Variants in TMEM120B observed in about 807,000 individuals in gnomAD.
TMEM120B encodes the protein transmembrane protein 120B.
Under a neutral mutation model 55.5 loss-of-function variants are expected in TMEM120B, and 31 were observed. The observed-to-expected ratio is 0.56, with a 90% CI of 0.42 to 0.75. TMEM120B has a LOEUF of 0.75. Ranked by LOEUF, TMEM120B falls within the 30% of genes least tolerant of loss-of-function variation. The pLI, the probability that TMEM120B is intolerant of heterozygous loss-of-function variation, is 0.00. For synonymous variants in TMEM120B, 203 were observed against 176.3 expected (o/e 1.15, Z -1.20); for missense variants, 399 against 425.5 (o/e 0.94, Z 0.55).
In TMEM120B at chr12:121,739,336, A is replaced by G. The variant is rs1226356331; in HGVS notation, c.70-4293A>G. On this transcript the variant is annotated intron_variant, in intron 1 of 11. Transcript: ENST00000449592. ...AGATCTGGAGGAAAATTGCCATAAA[A>G]GAGACAGTTAGCAAAATTTGAATTT... is the stretch of plus-strand genomic sequence containing the variant. Among the ~76,000 whole-genome samples the G allele has an allele frequency of 4.6e-5, 7 of 152,306 alleles. No individual in the cohort carries two copies. The East Asian group carries it at 1.3e-3, about 29-fold the overall frequency.
At chr12:121,763,643 A>G (rs1873755170) in intron 6 of TMEM120B, among the ~76,000 whole-genome samples, 1 of 151,660 alleles carries the variant, frequency 6.6e-6, no homozygotes, top group South Asian at 2.1e-4. Context: ...GGGTTTCATC[A>G]TGTTGGCCAG....
chr12:121,735,206 A>C (rs1386184087), intron 1 of TMEM120B, among the ~76,000 whole-genome samples: 5 of 151,310 alleles, frequency 3.3e-5, no homozygotes, highest in African/African-American at 4.8e-5. Flanking sequence ...AAAAACAAAA[A>C]AAAAAACCCA....
intron 1 of TMEM120B, among the ~76,000 whole-genome samples, chr12:121,716,531 T>C (rs1392353534): frequency 6.6e-6 from 1 of 151,398 alleles, no homozygotes; most frequent in East Asian, 1.9e-4. Context: ...GTAATGTCTC[T>C]GTGTCTTACC....
chr12:121,742,925 A>T (rs1194668315), intron 1 of TMEM120B, among the ~76,000 whole-genome samples: 1 of 152,012 alleles, frequency 6.6e-6, no homozygotes, highest in East Asian at 1.9e-4. Flanking sequence ...TGGTTTCCCT[A>T]GATTGTTGGT....
Position 121,727,050 on chromosome 12 carries a change from TAGTC to T in TMEM120B, c.69+14090_69+14093del, listed in dbSNP as rs1269844127. Among the ~76,000 whole-genome samples, 10 of 149,472 alleles carry T rather than the reference TAGTC, an allele frequency of 6.7e-5. No homozygotes were observed. In the East Asian group the frequency reaches 8.0e-4, roughly 12 times the overall value. On this transcript the variant is annotated intron_variant, in intron 1 of 11. Transcript: ENST00000449592. The stretch of plus-strand genomic sequence containing the variant: ...CCATCTCTACTACAAATACAAAAAT[TAGTC>T]AGTTTCATAACCCGGTCTCAAAATA...
chr12:121,757,140 T>TC (rs796620445), intron 5 of TMEM120B, among the ~76,000 whole-genome samples: 2 of 132,128 alleles, frequency 1.5e-5, no homozygotes, highest in East Asian at 4.6e-4. Flanking sequence ...CCCTGGGCGG[T>TC]GGGGGGGGGG....
rs1039551120 is a variant in TMEM120B, at chr12:121,743,705, A to G, written c.146A>G (p.Lys49Arg). The G allele has an allele frequency of 1.3e-5, 21 of 1,613,472 alleles. No individual in the cohort carries two copies. The highest frequency in any genetic ancestry group is 2.7e-5 in the African/African-American group (2 of 74,876). ...ACGCTGTGTAGCAGTTCCATCAGTAAGCAGAAGAAGCACCTCAAGGACTTG... is the reference window on the plus strand; with the variant it reads ...ACGCTGTGTAGCAGTTCCATCAGTAGGCAGAAGAAGCACCTCAAGGACTTG... ...LQTLCSSSIS[K>R]QKKHLKDLKL... The change falls in exon 2 of 12, where the codon AAG becomes AGG. Residue 49 changes from lysine (K) to arginine (R), a missense_variant. By Grantham distance (26) the Lys-to-Arg change is conservative. Around this residue, in one of 3 missense-constraint regions of TMEM120B, gnomAD observed 133 missense variants for 104.1 expected, o/e 1.28. Transcript: ENST00000449592.
At chr12:121,753,388 T>C (rs374999850) in intron 5 of TMEM120B, among the ~76,000 whole-genome samples, 5 of 152,068 alleles carry the variant, frequency 3.3e-5, no homozygotes, top group African/African-American at 1.2e-4. Flanking sequence ...CTGGGCAACA[T>C]GGTCAAACCC....
chr12:121,759,429 A>G (rs190348990), intron 5 of TMEM120B, among the ~76,000 whole-genome samples: 341 of 152,050 alleles, frequency 2.2e-3, no homozygotes, highest in African/African-American at 7.3e-3. Flanking sequence ...TGTAGTCCCA[A>G]CACTTTGAGA....
intron 3 of TMEM120B, 62 bp from the exon 4 acceptor site, chr12:121,750,318 G>T: frequency 1.4e-6 from 2 of 1,478,412 alleles, no homozygotes; most frequent in South Asian, 1.1e-5. Flanking sequence ...TGTTGAGTTT[G>T]AATGTTGTTG....
chr12:121,756,729 T>C (rs1353951890), intron 5 of TMEM120B, among the ~76,000 whole-genome samples: 1 of 152,220 alleles, frequency 6.6e-6, no homozygotes, highest in Non-Finnish European at 1.5e-5. Context: ...TGGCCCTACT[T>C]TGTGGTCACA....
chr12:121,726,426 A>T (rs539455414), intron 1 of TMEM120B, among the ~76,000 whole-genome samples: 2 of 151,610 alleles, frequency 1.3e-5, no homozygotes, highest in Admixed American at 1.3e-4. Flanking sequence ...AAAAATAGAA[A>T]AAATTAGCCG....
At chr12:121,750,181 A>G (rs535706827) in intron 3 of TMEM120B, among the ~76,000 whole-genome samples, 199 bp from the exon 4 acceptor site, 123 of 151,888 alleles carry the variant, frequency 8.1e-4, no homozygotes, top group Non-Finnish European at 1.5e-3. Context: ...GACTCCTCAC[A>G]CTGTCCTGTC....
chr12:121,770,649 G>A (rs889640982), intron 6 of TMEM120B, among the ~76,000 whole-genome samples: 24 of 152,064 alleles, frequency 1.6e-4, no homozygotes, highest in Admixed American at 1.2e-3. Flanking sequence ...GGTGAGGCTA[G>A]GGGTGTGCTC....
At position 121,770,957 on chromosome 12, in the gene TMEM120B, G is replaced by C. The variant is rs370439191; in HGVS notation, c.602G>C (p.Gly201Ala). 94 of 1,614,072 alleles carry C rather than the reference G, an allele frequency of 5.8e-5. No homozygotes were observed. The African/African-American group carries it at 1.2e-3, about 20-fold the overall frequency. Residue 201 changes from glycine to alanine, a missense_variant, in exon 7 of 12, where the codon GGA (glycine) becomes GCA (alanine). Physicochemically the swap from Gly to Ala is moderately conservative, Grantham distance 60. Coordinates refer to ENST00000449592, the MANE Select transcript of TMEM120B (RefSeq NM_001080825.2). ...SHHYVSTFLSGVMLTWPNGPI... is the reference protein window; with the variant it reads ...SHHYVSTFLSAVMLTWPNGPI... ...CACTACGTCTCCACATTCCTGTCCG[G>C]AGTGATGCTGACCTGGTGAGTAGCC...
At chr12:121,773,807 C>T (rs1874144149) in intron 9 of TMEM120B, among the ~76,000 whole-genome samples, 2 of 146,540 alleles carry the variant, frequency 1.4e-5, no homozygotes, top group South Asian at 2.2e-4. Context: ...AACATGTCTA[C>T]ATACCAACAC....
intron 4 of TMEM120B, among the ~76,000 whole-genome samples, chr12:121,751,179 C>T (rs1325334738): frequency 7.6e-6 from 1 of 130,802 alleles, no homozygotes; most frequent in Non-Finnish European, 1.6e-5. Context: ...ACACCTAACA[C>T]CCCATACCCC....
intron 1 of TMEM120B, among the ~76,000 whole-genome samples, chr12:121,724,281 C>T (rs543706648): frequency 2.0e-5 from 3 of 152,040 alleles, no homozygotes; most frequent in Non-Finnish European, 2.9e-5. Flanking sequence ...GTGATCCGCC[C>T]GCCTCAGCCT....
At position 121,779,156 on chromosome 12, in the gene TMEM120B, T is replaced by C; in HGVS notation, c.*3434T>C. On this transcript the variant is annotated 3_prime_UTR_variant, in exon 12 of 12. Transcript: ENST00000449592. ...CGTGGAACAGTGCCAGGTCTACGTT[T>C]ACCCACTACCAGATAGACTTTTTCA... The C allele has an allele frequency of 3.5e-6, 1 of 287,864 alleles. No individual in the cohort carries two copies. Among genetic ancestry groups the C allele is most frequent in the Non-Finnish European group, 6.8e-6 (1 of 146,846 alleles). 17.8% of individuals were successfully genotyped at this position (287,864 alleles called of 1,614,324 possible).
Sources: gnomAD v4.1 joint callset for allele counts (sites outside exome capture counted in the v4.1 genomes callset) on GRCh38, gnomAD v4.1.1 for gene constraint, gnomAD v4.1.1 regional missense constraint, MANE v1.5 for transcripts, NCBI Gene and HGNC (gene_info 2026-07-23, HGNC 2026-07-21) for gene names.